Variants in KCNT2 observed in about 807,000 individuals in gnomAD.
KCNT2 encodes potassium channel subfamily T member 2.
In KCNT2, 67 loss-of-function variants were observed where a neutral mutation model predicts 153.8. That is an observed-to-expected ratio of 0.44 (90% CI 0.36 to 0.53). The LOEUF is 0.53. Ranked by LOEUF, KCNT2 falls within the 20% of genes least tolerant of loss-of-function variation. KCNT2 has a pLI of 0.00. For missense variants in KCNT2, 975 were observed against 1,354.8 expected (o/e 0.72, Z 4.40); for synonymous variants, 500 against 458.8 (o/e 1.09, Z -1.15).
chr1:196,388,783 T>C (rs963090333), intron 13 of KCNT2, among the ~76,000 whole-genome samples: 1 of 151,816 alleles, frequency 6.6e-6, no homozygotes, highest in Non-Finnish European at 1.5e-5. Flanking sequence ...AGCTTTATTA[T>C]AGATTCATTA....
At chr1:196,406,934 G>A (rs1481958880) in intron 12 of KCNT2, among the ~76,000 whole-genome samples, 1 of 151,388 alleles carries the variant, frequency 6.6e-6, no homozygotes, top group African/African-American at 2.4e-5. Context: ...GGACTGAGCA[G>A]CAAGTCAACA....
chr1:196,479,077 G>T, intron 5 of KCNT2, 102 bp downstream of exon 5: 2 of 737,988 alleles, frequency 2.7e-6, no homozygotes, highest in Non-Finnish European at 4.6e-6. Flanking sequence ...GGCTCAAGAA[G>T]AGTCAGCCTT....
chr1:196,296,942 A>T (rs564344573), intron 22 of KCNT2, among the ~76,000 whole-genome samples: 2 of 152,166 alleles, frequency 1.3e-5, no homozygotes, highest in African/African-American at 4.8e-5. Context: ...GCAAGAAAAA[A>T]ATCATTGGTT....
At chr1:196,443,281 C>A (rs2148593829) in intron 8 of KCNT2, among the ~76,000 whole-genome samples, 1 of 151,562 alleles carries the variant, frequency 6.6e-6, no homozygotes, top group East Asian at 2.0e-4. Context: ...GTAATGAAAG[C>A]CATAGTAACT....
chr1:196,551,055 A>G (rs1455697306), intron 1 of KCNT2, among the ~76,000 whole-genome samples: 1 of 151,840 alleles, frequency 6.6e-6, no homozygotes, highest in African/African-American at 2.4e-5. Context: ...AGGGAAGTCA[A>G]TGAAGGAAGG....
intron 14 of KCNT2, among the ~76,000 whole-genome samples, chr1:196,344,798 C>T (rs1041298865): frequency 6.6e-6 from 1 of 152,134 alleles, no homozygotes; most frequent in African/African-American, 2.4e-5. Context: ...AAATAATTTG[C>T]TTATTGCCTT....
rs116877015 is a variant in KCNT2, at chr1:196,561,707, A to G, written c.95+46508T>C. Among the ~76,000 whole-genome samples the G allele has an allele frequency of 7.7e-3, 1,149 of 149,648 alleles. 58 individuals are homozygous for G. In the East Asian group the frequency reaches 0.13, roughly 16 times the overall value. On this transcript the variant is annotated intron_variant, in intron 1 of 27. Coordinates refer to ENST00000294725, the MANE Select transcript of KCNT2 (RefSeq NM_198503.5). Reference sequence around the variant, plus strand: ...AAGAAGAAAGAATAGAAGAACAGAAATGCTCGTTACACAGCCTCAGGAGAT... The same window carrying G: ...AAGAAGAAAGAATAGAAGAACAGAAGTGCTCGTTACACAGCCTCAGGAGAT...
chr1:196,232,431 C>T (rs1558050256), intron 27 of KCNT2, among the ~76,000 whole-genome samples: 1 of 151,596 alleles, frequency 6.6e-6, no homozygotes, highest in Non-Finnish European at 1.5e-5. Flanking sequence ...ACTACAAAAC[C>T]TATGAGTCCA....
In KCNT2 at chr1:196,471,812, G is replaced by A. The variant is rs538791027; in HGVS notation, c.385-2744C>T. ...ATCTGTCTAGGTTGGGTTTGTTTCC[G>A]ATTTTTCTTCCACATTAAAGCCAGA... On this transcript the variant is annotated intron_variant, in intron 5 of 27. Transcript: ENST00000294725. Among the ~76,000 whole-genome samples the A allele has an allele frequency of 5.3e-5, 8 of 152,050 alleles. No individual in the cohort carries two copies. The South Asian group carries it at 1.2e-3, about 24-fold the overall frequency.
At chr1:196,595,456 G>T (rs1237696287) in intron 1 of KCNT2, among the ~76,000 whole-genome samples, 1 of 152,018 alleles carries the variant, frequency 6.6e-6, no homozygotes, top group African/African-American at 2.4e-5. Flanking sequence ...CATATAAACA[G>T]TCATCCCTTG....
chr1:196,442,096 CA>C (rs1675285645), intron 8 of KCNT2, among the ~76,000 whole-genome samples: 1 of 151,700 alleles, frequency 6.6e-6, no homozygotes, highest in African/African-American at 2.4e-5. Context: ...TATGAAACTC[CA>C]ACATTAAGCA....
chr1:196,318,741 C>T (rs1662987311), intron 20 of KCNT2, among the ~76,000 whole-genome samples: 1 of 151,654 alleles, frequency 6.6e-6, no homozygotes, highest in African/African-American at 2.4e-5. Flanking sequence ...GTATCCACAG[C>T]ACTAAATACT....
chr1:196,457,860 C>T (rs1344907611), intron 8 of KCNT2, among the ~76,000 whole-genome samples: 2 of 151,958 alleles, frequency 1.3e-5, no homozygotes, highest in African/African-American at 4.8e-5. Flanking sequence ...AGAGCCCCCA[C>T]CAGTTAAGTC....
chr1:196,467,077 G>A (rs900467094), intron 7 of KCNT2, among the ~76,000 whole-genome samples: 1 of 151,984 alleles, frequency 6.6e-6, no homozygotes, highest in Admixed American at 6.6e-5. Context: ...CCCCACAGAT[G>A]TTCACTGCAT....
At chr1:196,261,626 C>A (rs773373775) in intron 25 of KCNT2, among the ~76,000 whole-genome samples, 1 of 151,872 alleles carries the variant, frequency 6.6e-6, no homozygotes, top group Non-Finnish European at 1.5e-5. Flanking sequence ...TATCACTAGA[C>A]TTCTGAATAA....
At chr1:196,508,544 T>G (rs12029494) in intron 1 of KCNT2, among the ~76,000 whole-genome samples, 9,067 of 152,208 alleles carry the variant, frequency 0.06, 754 homozygotes, top group East Asian at 0.42. Flanking sequence ...GAGAAGATAT[T>G]TGAATAAAAT....
At chr1:196,500,641 GT>G (rs1455654558) in intron 1 of KCNT2, among the ~76,000 whole-genome samples, 1 of 152,114 alleles carries the variant, frequency 6.6e-6, no homozygotes, top group East Asian at 1.9e-4. Context: ...TTCATACTTA[GT>G]TTCTGATAAC....
intron 1 of KCNT2, among the ~76,000 whole-genome samples, chr1:196,520,927 CA>C (rs1395162323): frequency 1.3e-5 from 2 of 152,096 alleles, no homozygotes; most frequent in Non-Finnish European, 2.9e-5. Context: ...GCAATCACAA[CA>C]AAAGCAAAAA....
intron 1 of KCNT2, among the ~76,000 whole-genome samples, chr1:196,504,242 A>T (rs1331650031): frequency 3.2e-5 from 1 of 31,034 alleles, no homozygotes; most frequent in Non-Finnish European, 6.7e-5. Context: ...CCCTCCCCCC[A>T]TCCCACAACA....
Sources: gnomAD v4.1 joint callset for allele counts (sites outside exome capture counted in the v4.1 genomes callset) on GRCh38, gnomAD v4.1.1 for gene constraint, MANE v1.5 for transcripts, NCBI Gene and HGNC (gene_info 2026-07-23, HGNC 2026-07-21) for gene names.